Variants in ATRNL1 observed in about 807,000 individuals in gnomAD.
ATRNL1 encodes the protein attractin-like protein 1.
In ATRNL1, 95 loss-of-function variants were observed where a neutral mutation model predicts 182.7. That is an observed-to-expected ratio of 0.52 (90% CI 0.44 to 0.62). The LOEUF is 0.62. Ranked by LOEUF, ATRNL1 falls within the 20% of genes least tolerant of loss-of-function variation. The pLI, the probability that ATRNL1 is intolerant of heterozygous loss-of-function variation, is 0.00. For synonymous variants in ATRNL1, 576 were observed against 568.3 expected, an observed-to-expected ratio of 1.01 and a Z score of -0.19; for missense variants, 1,471 against 1,679.5, an observed-to-expected ratio of 0.88 and a Z score of 2.17.
intron 1 of ATRNL1, among the ~76,000 whole-genome samples, chr10:115,105,767 G>GA (rs1843981527): frequency 6.6e-6 from 1 of 152,218 alleles, no homozygotes; most frequent in Admixed American, 6.5e-5. Context: ...GCCTGCGGGT[G>GA]CACAGGAGTC....
At chr10:115,560,369 C>A (rs1226835716) in intron 26 of ATRNL1, among the ~76,000 whole-genome samples, 1 of 151,986 alleles carries the variant, frequency 6.6e-6, no homozygotes, top group African/African-American at 2.4e-5. Context: ...TGGGAGAGAC[C>A]CTCCCCATGA....
chr10:115,564,337 G>C (rs1853942650), intron 26 of ATRNL1, among the ~76,000 whole-genome samples: 1 of 151,856 alleles, frequency 6.6e-6, no homozygotes, highest in Non-Finnish European at 1.5e-5. Context: ...CCAGTACTTT[G>C]AACAAGGGCA....
chr10:115,178,310 A>C (rs1399406336), intron 8 of ATRNL1, among the ~76,000 whole-genome samples: 1 of 152,140 alleles, frequency 6.6e-6, no homozygotes. Flanking sequence ...CAAGACTTAT[A>C]TTCAAAATTG....
At chr10:115,211,440 A>G (rs1282356502) in intron 8 of ATRNL1, among the ~76,000 whole-genome samples, 3 of 151,636 alleles carry the variant, frequency 2.0e-5, no homozygotes, top group African/African-American at 7.3e-5. Flanking sequence ...GTAATTTGTC[A>G]TTTCACTCTG....
intron 13 of ATRNL1, among the ~76,000 whole-genome samples, chr10:115,277,298 T>C (rs150605719): frequency 6.6e-6 from 1 of 152,194 alleles, no homozygotes; most frequent in African/African-American, 2.4e-5. Flanking sequence ...AAATTATATC[T>C]GGGTACTTTT....
At chr10:115,746,270 T>C (rs1948289305) in intron 27 of ATRNL1, among the ~76,000 whole-genome samples, 1 of 152,094 alleles carries the variant, frequency 6.6e-6, no homozygotes, top group Non-Finnish European at 1.5e-5. Flanking sequence ...CATATTAGTA[T>C]TGAAAATAAT....
intron 13 of ATRNL1, 53 bp from the exon 14 acceptor site, chr10:115,281,302 A>C (rs1592373951): frequency 1.3e-6 from 2 of 1,512,138 alleles, no homozygotes; most frequent in Non-Finnish European, 1.8e-6. Context: ...ACTGAAGTTT[A>C]AGAATCATTG....
chr10:115,621,284 G>GAGAGAGAC (rs1857748085), intron 26 of ATRNL1, among the ~76,000 whole-genome samples: 1 of 85,840 alleles, frequency 1.2e-5, no homozygotes, highest in Admixed American at 1.2e-4. Context: ...TATAGAGAGA[G>GAGAGAGAC]AGAGAGAGAG....
chr10:115,564,289 C>T (rs1304590456), intron 26 of ATRNL1, among the ~76,000 whole-genome samples: 1 of 151,722 alleles, frequency 6.6e-6, no homozygotes, highest in Non-Finnish European at 1.5e-5. Flanking sequence ...GTCTGAAATC[C>T]ACTGTTACTA....
At chr10:115,569,648 T>G (rs1472490649) in intron 26 of ATRNL1, among the ~76,000 whole-genome samples, 2 of 152,232 alleles carry the variant, frequency 1.3e-5, no homozygotes, top group Non-Finnish European at 2.9e-5. Context: ...TTACTCATTT[T>G]TCAATTAGAT....
At chr10:115,210,651 C>T (rs782350617) in intron 8 of ATRNL1, among the ~76,000 whole-genome samples, 5 of 151,784 alleles carry the variant, frequency 3.3e-5, no homozygotes, top group South Asian at 2.1e-4. Flanking sequence ...TCTTGTGCCT[C>T]TTTTTCTCTT....
Position 115,584,174 on chromosome 10 carries a change from T to C in ATRNL1, c.3795+34638T>C, listed in dbSNP as rs544164266. On this transcript the variant is annotated intron_variant, in intron 26 of 28. Transcript: ENST00000355044. ...TTGCCAGTATTTTATTGAGGATTTTTGCATCAATGTTCATCAAGGATATTG... is the reference window on the plus strand; with the variant it reads ...TTGCCAGTATTTTATTGAGGATTTTCGCATCAATGTTCATCAAGGATATTG... Among the ~76,000 whole-genome samples the C allele has an allele frequency of 6.7e-3, 1,010 of 149,946 alleles. 12 individuals carry two copies. Among genetic ancestry groups the C allele is most frequent in the Non-Finnish European group, 9.9e-3 (667 of 67,252 alleles).
intron 27 of ATRNL1, chr10:115,820,261 C>T (rs1474290358): frequency 6.6e-6 from 1 of 152,104 alleles, no homozygotes; most frequent in African/African-American, 2.4e-5. Context: ...TAAATGTCAT[C>T]TTCATGCCCA....
At chr10:115,171,487 C>A in intron 8 of ATRNL1, 195 bp downstream of exon 8, 1 of 434,356 alleles carries the variant, frequency 2.3e-6, no homozygotes, top group Non-Finnish European at 3.9e-6. Flanking sequence ...ACCTTTTTAA[C>A]CAAATGAGGG....
chr10:115,690,397 G>A (rs1946352422), intron 26 of ATRNL1, among the ~76,000 whole-genome samples: 1 of 152,114 alleles, frequency 6.6e-6, no homozygotes, highest in Non-Finnish European at 1.5e-5. Context: ...GGCACAGTTT[G>A]CAATAGGGTT....
intron 19 of ATRNL1, among the ~76,000 whole-genome samples, chr10:115,343,577 A>T: frequency 6.6e-6 from 1 of 152,082 alleles, no homozygotes; most frequent in African/African-American, 2.4e-5. Context: ...CAGGTATTTT[A>T]AATTCTCTGT....
intron 26 of ATRNL1, among the ~76,000 whole-genome samples, chr10:115,716,705 C>T (rs556622973): frequency 1.4e-3 from 208 of 152,110 alleles, no homozygotes; most frequent in Non-Finnish European, 2.5e-3. Flanking sequence ...TATTGGCACA[C>T]AAGCAGAAGT....
chr10:115,362,970 G>A (rs1463955626), intron 19 of ATRNL1, among the ~76,000 whole-genome samples: 1 of 152,042 alleles, frequency 6.6e-6, no homozygotes, highest in East Asian at 1.9e-4. Context: ...GAATAGTGCT[G>A]CAATAAACAT....
At chr10:115,501,178 C>T (rs1849816435) in intron 24 of ATRNL1, among the ~76,000 whole-genome samples, 1 of 152,060 alleles carries the variant, frequency 6.6e-6, no homozygotes, top group Non-Finnish European at 1.5e-5. Flanking sequence ...AGGTGATCCA[C>T]CTGTTTTAGC....
Sources: gnomAD v4.1 joint callset for allele counts (sites outside exome capture counted in the v4.1 genomes callset) on GRCh38, gnomAD v4.1.1 for gene constraint, MANE v1.5 for transcripts, NCBI Gene and HGNC (gene_info 2026-07-23, HGNC 2026-07-21) for gene names.